EPHA6: variants seen among roughly 807,000 people sequenced by gnomAD.
EPHA6 encodes EPH receptor A6, also known as ephrin type-A receptor 6.
A neutral mutation model predicts 112.0 loss-of-function variants in EPHA6; 50 were observed. The ratio of observed to expected loss-of-function variants is 0.45; its 90% CI spans 0.36 to 0.56. The LOEUF (loss-of-function observed/expected upper bound fraction) is 0.56, where lower values mean the gene tolerates loss of function less well. Among genes scored for constraint, EPHA6 ranks in the 20% least tolerant of loss-of-function variants. The pLI, the probability that EPHA6 is intolerant of heterozygous loss-of-function variation, is 0.00. For missense variants in EPHA6, 1,280 were observed against 1,417.4 expected, an observed-to-expected ratio of 0.90 and a Z score of 1.56; for synonymous variants, 529 against 490.7, an observed-to-expected ratio of 1.08 and a Z score of -1.03.
intron 3 of EPHA6, among the ~76,000 whole-genome samples, chr3:97,077,277 G>T (rs1225369429): frequency 6.6e-6 from 1 of 151,960 alleles, no homozygotes; most frequent in Non-Finnish European, 1.5e-5. Context: ...AACCCTCTTG[G>T]ATGAGTTTGT....
chr3:97,724,662 A>G (rs1420093369), intron 15 of EPHA6, among the ~76,000 whole-genome samples: 1 of 151,352 alleles, frequency 6.6e-6, no homozygotes, highest in African/African-American at 2.4e-5. Flanking sequence ...AGTTACTCAG[A>G]AGGCTTGAGC....
At chr3:97,294,615 T>C (rs2080810760) in intron 5 of EPHA6, among the ~76,000 whole-genome samples, 1 of 152,236 alleles carries the variant, frequency 6.6e-6, no homozygotes, top group South Asian at 2.1e-4. Flanking sequence ...GTTTCTCTCA[T>C]TGTTTATCAT....
chr3:97,366,071 A>G (rs1324635176), intron 5 of EPHA6, among the ~76,000 whole-genome samples: 1 of 152,194 alleles, frequency 6.6e-6, no homozygotes, highest in Non-Finnish European at 1.5e-5. Flanking sequence ...GACTATCTCT[A>G]TATCAGCCTG....
chr3:96,955,610 A>T (rs1392063258), intron 2 of EPHA6, among the ~76,000 whole-genome samples: 2 of 152,210 alleles, frequency 1.3e-5, no homozygotes, highest in Non-Finnish European at 2.9e-5. Flanking sequence ...ATAAAAAAAG[A>T]TACTGTGCTG....
intron 2 of EPHA6, among the ~76,000 whole-genome samples, chr3:96,884,771 G>A (rs2037526255): frequency 6.6e-6 from 1 of 152,194 alleles, no homozygotes; most frequent in South Asian, 2.1e-4. Context: ...TTGAAGAGGA[G>A]TGGTGAGAGT....
At chr3:96,919,167 G>A (rs2039633329) in intron 2 of EPHA6, among the ~76,000 whole-genome samples, 1 of 151,768 alleles carries the variant, frequency 6.6e-6, no homozygotes, top group Admixed American at 6.6e-5. Flanking sequence ...ATGGAAAAAA[G>A]CCTACTCTTT....
chr3:96,911,304 T>C (rs2039200598), intron 2 of EPHA6, among the ~76,000 whole-genome samples: 1 of 152,082 alleles, frequency 6.6e-6, no homozygotes, highest in African/African-American at 2.4e-5. Flanking sequence ...TTCAAATTAA[T>C]TTTTTAATAT....
intron 3 of EPHA6, among the ~76,000 whole-genome samples, chr3:97,041,851 T>A (rs140336686): frequency 6.6e-6 from 1 of 152,118 alleles, no homozygotes; most frequent in Non-Finnish European, 1.5e-5. Context: ...CTCACTATCA[T>A]GCGAACAGCA....
At chr3:97,732,002 T>C (rs1343223821) in intron 15 of EPHA6, among the ~76,000 whole-genome samples, 1 of 151,950 alleles carries the variant, frequency 6.6e-6, no homozygotes, top group African/African-American at 2.4e-5. Flanking sequence ...CAAAGCTCCT[T>C]CCTGGATCCT....
At chr3:97,578,268 C>A (rs1176509152) in intron 11 of EPHA6, among the ~76,000 whole-genome samples, 1 of 152,110 alleles carries the variant, frequency 6.6e-6, no homozygotes, top group Non-Finnish European at 1.5e-5. Context: ...TCGTGAACCT[C>A]CGAGACCCAA....
At chr3:97,744,805 G>A (rs2035643353) in intron 16 of EPHA6, among the ~76,000 whole-genome samples, 1 of 151,924 alleles carries the variant, frequency 6.6e-6, no homozygotes, top group African/African-American at 2.4e-5. Context: ...GAAAGAAGTA[G>A]AAGTCATCTG....
chr3:97,667,217 G>A (rs2030222643), intron 14 of EPHA6, among the ~76,000 whole-genome samples: 2 of 152,112 alleles, frequency 1.3e-5, no homozygotes, highest in South Asian at 4.1e-4. Context: ...TAATTAGCTG[G>A]CAAGTTATAG....
chr3:97,068,616 T>A (rs1021612167), intron 3 of EPHA6, among the ~76,000 whole-genome samples: 4 of 148,130 alleles, frequency 2.7e-5, no homozygotes, highest in African/African-American at 4.9e-5. Context: ...ATGTACACAC[T>A]CACACACACA....
chr3:97,512,715 C>A (rs2092386462), intron 10 of EPHA6, among the ~76,000 whole-genome samples: 1 of 152,104 alleles, frequency 6.6e-6, no homozygotes, highest in Non-Finnish European at 1.5e-5. Flanking sequence ...AGTCATTGCA[C>A]CACCACACCC....
chr3:97,509,708 A>G (rs1180543856), intron 10 of EPHA6, among the ~76,000 whole-genome samples: 2 of 151,850 alleles, frequency 1.3e-5, no homozygotes, highest in African/African-American at 4.8e-5. Context: ...TATTTTTTGT[A>G]TTTCCTGAAT....
intron 13 of EPHA6, among the ~76,000 whole-genome samples, chr3:97,628,132 C>G (rs1483936560): frequency 6.6e-6 from 1 of 151,956 alleles, no homozygotes; most frequent in Non-Finnish European, 1.5e-5. Flanking sequence ...CAAATAGATG[C>G]AGGGAAATTA....
At chr3:97,577,515 A>T (rs1427546503) in intron 11 of EPHA6, among the ~76,000 whole-genome samples, 1 of 152,086 alleles carries the variant, frequency 6.6e-6, no homozygotes, top group Non-Finnish European at 1.5e-5. Flanking sequence ...TTAAAAAAAA[A>T]ATCCCCTGTC....
intron 3 of EPHA6, among the ~76,000 whole-genome samples, chr3:97,084,138 GCACACACA>G (rs373106924): frequency 7.4e-4 from 89 of 119,550 alleles, no homozygotes; most frequent in Non-Finnish European, 1.2e-3. Flanking sequence ...ATATATCCAT[GCACACACA>G]CACACACACA....
At chr3:97,282,093 T>C (rs375397332) in intron 5 of EPHA6, among the ~76,000 whole-genome samples, 4 of 152,222 alleles carry the variant, frequency 2.6e-5, no homozygotes, top group Admixed American at 2.0e-4. Flanking sequence ...ATTGAACACA[T>C]TGCCCTTTAA....
Sources: allele counts gnomAD v4.1 joint callset (sites outside exome capture counted in the v4.1 genomes callset), GRCh38; gene constraint gnomAD v4.1.1; transcripts MANE v1.5; gene names NCBI Gene and HGNC (gene_info 2026-07-23, HGNC 2026-07-21).